SEMA6B: variants seen among roughly 807,000 people sequenced by gnomAD.
The protein encoded by SEMA6B is semaphorin-6B.
A neutral mutation model predicts 78.6 loss-of-function variants in SEMA6B; 47 were observed. The ratio of observed to expected loss-of-function variants is 0.60; its 90% confidence interval spans 0.47 to 0.76. The LOEUF (loss-of-function observed/expected upper bound fraction) is 0.76, where lower values mean the gene tolerates loss of function less well. Ranked by LOEUF, SEMA6B falls within the 30% of genes least tolerant of loss-of-function variation. SEMA6B has a pLI of 0.00. For synonymous variants in SEMA6B, 632 were observed against 592.2 expected (o/e 1.07, Z -0.98); for missense variants, 1,213 against 1,269.9 (o/e 0.96, Z 0.68).
Position 4,543,944 on chromosome 19 carries a change from T to G in SEMA6B, c.2324A>C (p.Tyr775Ser), listed in dbSNP as rs1019934839. Residue 775 changes from tyrosine (Y) to serine (S), a missense_variant, in exon 17 of 17, where the codon TAT becomes TCT. Transcript: ENST00000586582. ...GGAGGCGCGGCCGGGCCGGGCAGCATAGAGGCGGCCGTCGGGGGTCGGCTC... is the reference window on the plus strand; with the variant it reads ...GGAGGCGCGGCCGGGCCGGGCAGCAGAGAGGCGGCCGTCGGGGGTCGGCTC... ...PGEPTPDGRL[Y>S]AARPGRASHG... 2.5e-6 allele frequency: 3 copies of G among 1,201,582 alleles called. No homozygotes were observed. The highest frequency in any genetic ancestry group is 8.2e-5 in the South Asian group (2 of 24,284). The allele number at this position is 1,201,582 out of a possible 1,614,324, so 74.4% of individuals were successfully genotyped here. A position where few individuals can be genotyped will look rare whatever the true frequency, so the allele number is the denominator to read the frequency against.
At position 4,558,122 on chromosome 19, in the gene SEMA6B, C is replaced by A; in HGVS notation, c.149G>T (p.Gly50Val). The A allele has an allele frequency of 6.6e-7, 1 of 1,517,434 alleles. No homozygotes were observed. The highest frequency in any genetic ancestry group is 8.9e-7 in the Non-Finnish European group (1 of 1,124,936). 94.0% of individuals were successfully genotyped at this position (1,517,434 alleles called of 1,614,324 possible). The change falls in exon 3 of 17, where the codon GGC (glycine) becomes GTC (valine). Residue 50 changes from glycine to valine, a missense_variant. Physicochemically the swap from Gly to Val is moderately radical, Grantham distance 109 (BLOSUM62 -3). Transcript: ENST00000586582. The surrounding 1 kb of genome is among the most constrained non-coding windows in gnomAD (Gnocchi z 5.1). The part of the protein sequence containing the change: ...DYLNHYPVFV[G>V]SGPGRLTPAE... ...GGGGGTCAGGCGTCCGGGCCCGCTG[C>A]CCACAAACACGGGATAGTGGTTCAG...
At chr19:4,547,912 C>T in intron 14 of SEMA6B, 115 bp downstream of exon 14, 2 of 1,338,368 alleles carry the variant, frequency 1.5e-6, no homozygotes, top group Non-Finnish European at 2.0e-6. Flanking sequence ...GCCATGCCCT[C>T]TGCCCAGCTC....
At chr19:4,559,299 C>A (rs1302380597) in intron 1 of SEMA6B, among the ~76,000 whole-genome samples, 3 of 152,066 alleles carry the variant, frequency 2.0e-5, no homozygotes, top group Non-Finnish European at 4.4e-5. Context: ...GTAGATCTGA[C>A]CTCCTTCCCA....
Position 4,558,622 on chromosome 19 carries a change from A to G in SEMA6B, c.-32-133T>C, listed in dbSNP as rs1325616932. 9.2e-6 allele frequency: 4 copies of G among 435,050 alleles called. No homozygotes were observed. The highest frequency in any genetic ancestry group is 2.0e-5 in the African/African-American group (1 of 49,268). 26.9% of individuals were successfully genotyped at this position (435,050 alleles called of 1,614,324 possible). A position where few individuals can be genotyped will look rare whatever the true frequency, so the allele number is the denominator to read the frequency against. ...GGGGATAATAATTAATAAAAACAAT[A>G]ATGGCAATAATAATAATAATACACA... On this transcript the variant is annotated intron_variant, in intron 1 of 16. Transcript: ENST00000586582. The surrounding 1 kb of genome is among the most constrained non-coding windows in gnomAD (Gnocchi z 5.1).
In SEMA6B at chr19:4,544,220, G is replaced by T; in HGVS notation, c.2048C>A (p.Pro683His). Residue 683 changes from proline to histidine, a missense_variant, in exon 17 of 17, where the codon CCC (proline) becomes CAC (histidine). Transcript: ENST00000586582. The surrounding 1 kb of genome is among the most constrained non-coding windows in gnomAD (Gnocchi z 5.1). ...CTTGGCCCAGCCGTTCTGCATCAGG[G>T]GCGCCAGCAGGGCCTCCGGGGGAAC... ...AGVPPEALLA[P>H]LMQNGWAKAT... 7.9e-7 allele frequency: 1 copy of T among 1,273,706 alleles called. No individual in the cohort carries two copies. Among genetic ancestry groups the T allele is most frequent in the African/African-American group, 1.6e-5 (1 of 64,100 alleles). The allele number at this position is 1,273,706 out of a possible 1,614,324, so 78.9% of individuals were successfully genotyped here.
At chr19:4,551,883 C>T (rs1420891470) in intron 10 of SEMA6B, among the ~76,000 whole-genome samples, 2 of 151,910 alleles carry the variant, frequency 1.3e-5, no homozygotes, top group African/African-American at 4.8e-5. Flanking sequence ...CAAACCTGAT[C>T]TCATCCCTCT....
At chr19:4,549,175 C>T (rs1294508179) in intron 12 of SEMA6B, among the ~76,000 whole-genome samples, 1 of 151,972 alleles carries the variant, frequency 6.6e-6, no homozygotes, top group East Asian at 1.9e-4. Context: ...CAGTCTCTTT[C>T]TCTCTTTGTC....
rs1977518231 is a variant in SEMA6B at position 4,558,009 on chromosome 19, G to GCTGTCCCCAGCAATAC, written c.245+1_245+16dup. On this transcript the variant is annotated intron_variant, in intron 3 of 16. Transcript: ENST00000586582. The surrounding 1 kb of genome is among the most constrained non-coding windows in gnomAD (Gnocchi z 5.1). ...TTCTGCTCGTCACACAGGCCTCCTT[G>GCTGTCCCCAGCAATAC]CTGTCCCCAGCAATACCTGTCCCCA... The GCTGTCCCCAGCAATAC allele has an allele frequency of 7.2e-7, 1 of 1,380,102 alleles. No individual in the cohort carries two copies. Among genetic ancestry groups the GCTGTCCCCAGCAATAC allele is most frequent in the Non-Finnish European group, 9.5e-7 (1 of 1,050,340 alleles). The allele number at this position is 1,380,102 out of a possible 1,614,324, so 85.5% of individuals were successfully genotyped here. A position where few individuals can be genotyped will look rare whatever the true frequency, so the allele number is the denominator to read the frequency against.
rs180774028 is a variant in SEMA6B, at chr19:4,545,430, T to A, written c.1738+786A>T. Among the ~76,000 whole-genome samples the A allele has an allele frequency of 3.1e-3, 467 of 151,378 alleles. 2 individuals are homozygous for A. Among genetic ancestry groups the A allele is most frequent in the African/African-American group, 0.011 (463 of 41,342 alleles). On this transcript the variant is annotated intron_variant, in intron 16 of 16. Coordinates refer to ENST00000586582, the MANE Select transcript of SEMA6B (RefSeq NM_032108.4). ...CAGCTCATTGCAGCCTCCACCTCCC[T>A]GGGCTCAAGCGATCCTCCCGCCTCA... is the stretch of plus-strand genomic sequence containing the variant.
Position 4,543,008 on chromosome 19 carries a change from C to G in SEMA6B, c.*593G>C. On this transcript the variant is annotated 3_prime_UTR_variant, in exon 17 of 17. Transcript: ENST00000586582. ...CCCAGGCCGCTGGGGCCACCACGATCGTCGCTCGTGGACACACACCCTGCA... is the reference window on the plus strand; with the variant it reads ...CCCAGGCCGCTGGGGCCACCACGATGGTCGCTCGTGGACACACACCCTGCA... The G allele has an allele frequency of 1.4e-6, 1 of 693,530 alleles. No individual in the cohort carries two copies. Among genetic ancestry groups the G allele is most frequent in the Non-Finnish European group, 2.6e-6 (1 of 379,552 alleles). 43.0% of individuals were successfully genotyped at this position (693,530 alleles called of 1,614,324 possible). A position where few individuals can be genotyped will look rare whatever the true frequency, so the allele number is the denominator to read the frequency against.
intron 8 of SEMA6B, 148 bp from the exon 9 acceptor site, chr19:4,554,624 G>C: frequency 1.5e-6 from 1 of 657,164 alleles, no homozygotes; most frequent in Admixed American, 2.8e-5. Flanking sequence ...GTATTTTGCA[G>C]GGGAAGGGAG....
Position 4,544,300 on chromosome 19 carries a change from C to T in SEMA6B, c.1968G>A (p.Glu656=). ...GGCCCCCGGGACCCTGCGCCCTGCG[C>T]TCGCCCAGGCGGCTGACGCTCAGCA... ...EAVLSVSRLG[E]RRAQGPGGRG... is the part of the protein sequence containing the mutation. Residue 656 remains glutamate, a synonymous_variant, in exon 17 of 17, where the codon GAG becomes GAA. Transcript: ENST00000586582. This position sits in a 1 kb window ranked among gnomAD's most constrained non-coding sequence, Gnocchi z 5.1. 6.8e-7 allele frequency: 1 copy of T among 1,467,476 alleles called. No individual in the cohort carries two copies. Among genetic ancestry groups the T allele is most frequent in the Non-Finnish European group, 9.0e-7 (1 of 1,115,504 alleles). The allele number at this position is 1,467,476 out of a possible 1,614,324, so 90.9% of individuals were successfully genotyped here.
At chr19:4,554,330 C>G in intron 9 of SEMA6B, 58 bp downstream of exon 9, 1 of 1,350,394 alleles carries the variant, frequency 7.4e-7, no homozygotes. Context: ...CCACCTCTGC[C>G]CCCTCACTTC....
intron 5 of SEMA6B, among the ~76,000 whole-genome samples, chr19:4,556,480 A>G (rs1441743819): frequency 2.5e-4 from 15 of 60,812 alleles, no homozygotes; most frequent in South Asian, 1.2e-3. Flanking sequence ...GCGTGGCCAG[A>G]GCTGGTGGGG....
rs1238984198 is a variant in SEMA6B, at chr19:4,550,611, A to G, written c.1121+188T>C. ...ACCCTCGACCTCAGGTGATCTGCCC[A>G]CCTCCGCCTCCCAAAGGGCTAGGAT... On this transcript the variant is annotated intron_variant, in intron 11 of 16. Transcript: ENST00000586582. This position sits in a 1 kb window ranked among gnomAD's most constrained non-coding sequence, Gnocchi z 6.6. Among the ~76,000 whole-genome samples the G allele has an allele frequency of 2.0e-5, 3 of 151,944 alleles. No homozygotes were observed. Among genetic ancestry groups the G allele is most frequent in the South Asian group, 4.2e-4 (2 of 4,796 alleles).
Position 4,543,318 on chromosome 19 carries a change from CA to C in SEMA6B, c.*282del. On this transcript the variant is annotated 3_prime_UTR_variant, in exon 17 of 17. Coordinates refer to ENST00000586582, the MANE Select transcript of SEMA6B (RefSeq NM_032108.4). ...AAAACCGCAAAAGAAACCAAAACTGCAAAAAAAACCAAAACCTACGCGCATA... is the reference window on the plus strand; with the variant it reads ...AAAACCGCAAAAGAAACCAAAACTGCAAAAAAACCAAAACCTACGCGCATA... 9 of 456,440 alleles carry C rather than the reference CA, an allele frequency of 2.0e-5. No homozygotes were observed. Among genetic ancestry groups the C allele is most frequent in the East Asian group, 3.3e-5 (1 of 29,902 alleles). 28.3% of individuals were successfully genotyped at this position (456,440 alleles called of 1,614,324 possible). A position where few individuals can be genotyped will look rare whatever the true frequency, so the allele number is the denominator to read the frequency against.
chr19:4,550,236 A>C lies in SEMA6B; in HGVS notation c.1158T>G (p.Asn386Lys). Reference protein sequence around the residue: ...GCCAAPGMQYNASSALPDDIL... With the variant: ...GCCAAPGMQYKASSALPDDIL... The stretch of plus-strand genomic sequence containing the variant: ...TGTCATCCGGCAAGGCGCTGGAGGC[A>C]TTGTACTGCATCCCGGGGGCTGCGC... Residue 386 changes from asparagine (N) to lysine (K), a missense_variant, in exon 12 of 17, where the codon AAT becomes AAG. Asn to Lys is a moderately conservative substitution (Grantham distance 94). Transcript: ENST00000586582. The surrounding 1 kb of genome is among the most constrained non-coding windows in gnomAD (Gnocchi z 6.6). 3.4e-6 allele frequency: 5 copies of C among 1,479,782 alleles called. No homozygotes were observed. The highest frequency in any genetic ancestry group is 4.6e-6 in the Non-Finnish European group (5 of 1,094,184). The allele number at this position is 1,479,782 out of a possible 1,614,324, so 91.7% of individuals were successfully genotyped here.
At position 4,544,550 on chromosome 19, in the gene SEMA6B, G is replaced by A. The variant is rs1320663500; in HGVS notation, c.1739-21C>T. 15 of 1,451,508 alleles carry A rather than the reference G, an allele frequency of 1.0e-5. No individual in the cohort carries two copies. The highest frequency in any genetic ancestry group is 2.4e-5 in the Admixed American group (1 of 41,560). The allele number at this position is 1,451,508 out of a possible 1,614,324, so 89.9% of individuals were successfully genotyped here. ...GAGTCCTGGCCGGGGAGCACAGGGG[G>A]GTTAGTGGGGCCGGCGGGGTGGCCC... On this transcript the variant is annotated intron_variant, in intron 16 of 16. Coordinates refer to ENST00000586582, the MANE Select transcript of SEMA6B (RefSeq NM_032108.4). The surrounding 1 kb of genome is among the most constrained non-coding windows in gnomAD (Gnocchi z 5.1).
rs971481691 is a variant in SEMA6B, at chr19:4,544,922, A to G, written c.1739-393T>C. On this transcript the variant is annotated intron_variant, in intron 16 of 16. Coordinates refer to ENST00000586582, the MANE Select transcript of SEMA6B (RefSeq NM_032108.4). This position sits in a 1 kb window ranked among gnomAD's most constrained non-coding sequence, Gnocchi z 5.1. The stretch of plus-strand genomic sequence containing the variant: ...GCTGGGATTACAGGCATAAGCCACC[A>G]CGACTGGCCTTATTTTTATTATTTT... 6.6e-6 allele frequency among the ~76,000 whole-genome samples: 1 copy of G among 151,884 alleles called. No individual in the cohort carries two copies. Among genetic ancestry groups the G allele is most frequent in the Non-Finnish European group, 1.5e-5 (1 of 67,990 alleles).
Sources: allele counts gnomAD v4.1 joint callset (sites outside exome capture counted in the v4.1 genomes callset), GRCh38; gene constraint gnomAD v4.1.1; non-coding constraint Gnocchi (gnomAD v3.1); transcripts MANE v1.5; gene names NCBI Gene and HGNC (gene_info 2026-07-23, HGNC 2026-07-21).